AGBL4: variants seen among roughly 807,000 people sequenced by gnomAD.
The protein encoded by AGBL4 is cytosolic carboxypeptidase 6.
A neutral mutation model predicts 66.4 loss-of-function variants in AGBL4; 58 were observed. The observed-to-expected ratio is 0.87, with a 90% CI of 0.71 to 1.09. The LOEUF is 1.09. Ranked by LOEUF, AGBL4 falls within the 50% of genes least tolerant of loss-of-function variation. The pLI, the probability that AGBL4 is intolerant of heterozygous loss-of-function variation, is 0.00. For synonymous variants in AGBL4, 234 were observed against 222.9 expected (o/e 1.05, Z -0.44); for missense variants, 579 against 631.0 (o/e 0.92, Z 0.88).
chr1:48,557,704 A>G (rs1299167942), intron 11 of AGBL4, among the ~76,000 whole-genome samples: 3 of 152,252 alleles, frequency 2.0e-5, no homozygotes, highest in Non-Finnish European at 4.4e-5. Flanking sequence ...GGTGAAGCCA[A>G]TTGAGTAACA....
chr1:48,607,162 T>G (rs1018488923), intron 9 of AGBL4, among the ~76,000 whole-genome samples: 1 of 152,136 alleles, frequency 6.6e-6, no homozygotes, highest in Admixed American at 6.5e-5. Flanking sequence ...GAGGGCATAT[T>G]CTAGGGCTGT....
intron 2 of AGBL4, among the ~76,000 whole-genome samples, chr1:49,808,976 C>T (rs1413319139): frequency 6.6e-6 from 1 of 152,016 alleles, no homozygotes; most frequent in Non-Finnish European, 1.5e-5. Flanking sequence ...AATAAAAATA[C>T]TAAATCAAAA....
chr1:49,005,124 T>C (rs1393628735), intron 5 of AGBL4, among the ~76,000 whole-genome samples: 2 of 152,180 alleles, frequency 1.3e-5, no homozygotes, highest in Non-Finnish European at 2.9e-5. Flanking sequence ...GAATATTTAG[T>C]TGAAAAATCA....
At chr1:49,889,751 C>T (rs890408809) in intron 1 of AGBL4, among the ~76,000 whole-genome samples, 1 of 150,090 alleles carries the variant, frequency 6.7e-6, no homozygotes, top group African/African-American at 2.5e-5. Flanking sequence ...AGTGAGGCTC[C>T]ATCTCAAAAA....
At chr1:48,830,809 A>C (rs957850285) in intron 6 of AGBL4, among the ~76,000 whole-genome samples, 4 of 152,226 alleles carry the variant, frequency 2.6e-5, no homozygotes, top group African/African-American at 9.7e-5. Context: ...TGGAAGAATA[A>C]AGCTGTTCAT....
intron 1 of AGBL4, among the ~76,000 whole-genome samples, chr1:49,955,002 G>A (rs571882812): frequency 5.3e-5 from 8 of 151,774 alleles, no homozygotes; most frequent in Admixed American, 3.3e-4. Flanking sequence ...ATCTCAAAGA[G>A]GCCTCTCTTA....
intron 3 of AGBL4, among the ~76,000 whole-genome samples, chr1:49,511,638 TCC>T (rs1472081451): frequency 6.6e-6 from 1 of 151,332 alleles, no homozygotes; most frequent in Non-Finnish European, 1.5e-5. Context: ...AAATTGAAGC[TCC>T]TTAGCTTGGC....
At chr1:49,316,664 T>C (rs1645044503) in intron 3 of AGBL4, among the ~76,000 whole-genome samples, 1 of 151,996 alleles carries the variant, frequency 6.6e-6, no homozygotes, top group East Asian at 1.9e-4. Context: ...GAGATTGGCA[T>C]ATTTATACAC....
intron 1 of AGBL4, among the ~76,000 whole-genome samples, chr1:49,856,008 T>C (rs2148072954): frequency 6.7e-6 from 1 of 149,924 alleles, no homozygotes; most frequent in Admixed American, 6.7e-5. Flanking sequence ...AGCTAAACGA[T>C]ACAAAGAGAG....
chr1:48,596,340 G>A (rs1644993970), intron 9 of AGBL4, among the ~76,000 whole-genome samples: 1 of 152,084 alleles, frequency 6.6e-6, no homozygotes, highest in African/African-American at 2.4e-5. Flanking sequence ...AAGAAGTGTT[G>A]GAGAACTCCC....
intron 3 of AGBL4, among the ~76,000 whole-genome samples, chr1:49,694,742 A>G (rs571288361): frequency 6.6e-6 from 1 of 152,286 alleles, no homozygotes; most frequent in South Asian, 2.1e-4. Context: ...TGGCAGAGAC[A>G]TTTTGAACAA....
intron 3 of AGBL4, among the ~76,000 whole-genome samples, chr1:49,573,146 CTGTGTGTGTGTGTGTGTGTGTGTGTGTG>C (rs57980631): frequency 2.2e-5 from 3 of 136,580 alleles, no homozygotes; most frequent in Non-Finnish European, 4.8e-5. Flanking sequence ...GTGTGTGTGT[CTGTGTGTGTGTGTGTGTGTGTGTGTGTG>C]TGTGTGTGTG....
intron 8 of AGBL4, chr1:48,647,651 C>G (rs765819563): frequency 4.2e-4 from 185 of 436,994 alleles, no homozygotes; most frequent in Middle Eastern, 1.7e-3. Flanking sequence ...TATTGTTGTA[C>G]GGAGATGGAA....
At chr1:49,260,856 A>G (rs1440069468) in intron 3 of AGBL4, among the ~76,000 whole-genome samples, 1 of 151,666 alleles carries the variant, frequency 6.6e-6, no homozygotes, top group Admixed American at 6.6e-5. Flanking sequence ...ACACAACCAA[A>G]AAAGAGAATT....
intron 4 of AGBL4, among the ~76,000 whole-genome samples, chr1:49,152,867 G>T (rs1056033421): frequency 2.7e-4 from 41 of 152,134 alleles, no homozygotes; most frequent in Non-Finnish European, 1.6e-4. Context: ...AATAAATACG[G>T]TCTTTACTTT....
intron 1 of AGBL4, among the ~76,000 whole-genome samples, chr1:49,960,502 A>G (rs986420875): frequency 6.6e-6 from 1 of 152,056 alleles, no homozygotes; most frequent in Non-Finnish European, 1.5e-5. Flanking sequence ...CTATACCACT[A>G]TAGGATGACT....
chr1:48,906,135 G>A (rs1008009296), intron 5 of AGBL4, among the ~76,000 whole-genome samples: 1 of 152,038 alleles, frequency 6.6e-6, no homozygotes, highest in African/African-American at 2.4e-5. Context: ...GGAAGGTAAG[G>A]GAAATCTCAC....
At chr1:48,938,974 G>A (rs529321818) in intron 5 of AGBL4, among the ~76,000 whole-genome samples, 14 of 152,280 alleles carry the variant, frequency 9.2e-5, no homozygotes, top group Middle Eastern at 3.4e-3. Flanking sequence ...GTGGAGGAGC[G>A]ACTAGTATCA....
chr1:48,761,552 G>T, intron 6 of AGBL4: 5 of 1,384,020 alleles, frequency 3.6e-6, no homozygotes, highest in Non-Finnish European at 3.9e-6. Context: ...AACCTCAAAT[G>T]CTAGAAAATA....
Sources: allele counts gnomAD v4.1 joint callset (sites outside exome capture counted in the v4.1 genomes callset), GRCh38; gene constraint gnomAD v4.1.1; transcripts MANE v1.5; gene names NCBI Gene and HGNC (gene_info 2026-07-23, HGNC 2026-07-21).